PTGS1: variants seen among roughly 807,000 people sequenced by gnomAD.
PTGS1 encodes prostaglandin-endoperoxide synthase 1.
In PTGS1, 40 loss-of-function variants were observed where a neutral mutation model predicts 63.0. That is an observed-to-expected ratio of 0.63 (90% CI 0.49 to 0.83). The LOEUF is 0.83. PTGS1 is among the 40% of genes least tolerant of loss of function. The probability of loss-of-function intolerance (pLI) is 0.00; values close to 1 mark genes in which losing one functional copy is unlikely to be tolerated. For synonymous variants in PTGS1, 298 were observed against 301.9 expected (o/e 0.99, Z 0.13); for missense variants, 709 against 786.5 (o/e 0.90, Z 1.18).
At chr9:122,380,465 AAAAAT>A (rs1325172506) in intron 5 of PTGS1, among the ~76,000 whole-genome samples, 2 of 139,514 alleles carry the variant, frequency 1.4e-5, no homozygotes, top group African/African-American at 6.0e-5. Context: ...ACCCTGTCTC[AAAAAT>A]AAATAAATAA....
intron 2 of PTGS1, chr9:122,371,620 T>C (rs1406139562): frequency 2.8e-6 from 4 of 1,431,454 alleles, no homozygotes; most frequent in Non-Finnish European, 3.6e-6. Flanking sequence ...TAGGGGCCTC[T>C]TTGGGAGGAA....
Position 122,378,847 on chromosome 9 carries a change from C to T in PTGS1, c.425C>T (p.Ser142Phe), listed in dbSNP as rs542535309. ...AHDYISWESF[S>F]NVSYYTRILP... ...GACTACATCAGCTGGGAGTCTTTCT[C>T]CAACGTGAGCTATTACACTCGTATT... The change falls in exon 5 of 11, where the codon TCC becomes TTC. Residue 142 changes from serine (S) to phenylalanine (F), a missense_variant. Coordinates refer to ENST00000362012, the MANE Select transcript of PTGS1 (RefSeq NM_000962.4). 5 of 1,614,224 alleles carry T rather than the reference C, an allele frequency of 3.1e-6. No individual in the cohort carries two copies. Among genetic ancestry groups the T allele is most frequent in the South Asian group, 1.1e-5 (1 of 91,086 alleles).
intron 8 of PTGS1, among the ~76,000 whole-genome samples, chr9:122,385,018 C>T (rs546052188): frequency 9.2e-5 from 14 of 152,286 alleles, no homozygotes; most frequent in East Asian, 1.9e-4. Flanking sequence ...AGTGCAATGG[C>T]GTGATCTTGG....
At chr9:122,386,386 A>G in intron 8 of PTGS1, 60 bp from the exon 9 acceptor site, 1 of 1,571,848 alleles carries the variant, frequency 6.4e-7, no homozygotes, top group Non-Finnish European at 8.7e-7. Context: ...CCTGCTTTCC[A>G]AGCTGGGCAT....
rs201463029 is a variant in PTGS1 at position 122,378,835 on chromosome 9, G to T, written c.413G>T (p.Trp138Leu). ...TYNSAHDYISWESFSNVSYYT... is the reference protein window; with the variant it reads ...TYNSAHDYISLESFSNVSYYT... ...AACTCAGCACATGACTACATCAGCT[G>T]GGAGTCTTTCTCCAACGTGAGCTAT... The change falls in exon 5 of 11, where the codon TGG becomes TTG. Residue 138 changes from tryptophan to leucine, a missense_variant. Trp to Leu is a moderately conservative substitution (Grantham distance 61, BLOSUM62 -2). Transcript: ENST00000362012. 1.9e-6 allele frequency: 3 copies of T among 1,614,254 alleles called. No homozygotes were observed. The highest frequency in any genetic ancestry group is 1.7e-5 in the Admixed American group (1 of 60,028).
intron 7 of PTGS1, among the ~76,000 whole-genome samples, chr9:122,383,194 A>T (rs1241391611): frequency 1.6e-5 from 2 of 128,186 alleles, no homozygotes; most frequent in African/African-American, 3.6e-5. Context: ...TTTTTTTTTT[A>T]AGTTTTTTTT....
intron 10 of PTGS1, among the ~76,000 whole-genome samples, chr9:122,390,722 C>A (rs10306179): frequency 0.077 from 11,662 of 151,996 alleles, 1,375 homozygotes; most frequent in African/African-American, 0.26. Flanking sequence ...ACGATGAAAC[C>A]CCGTCTCTAC....
chr9:122,391,564 T>C (rs1838286780), intron 10 of PTGS1, among the ~76,000 whole-genome samples: 1 of 150,974 alleles, frequency 6.6e-6, no homozygotes, highest in South Asian at 2.1e-4. Context: ...AGGATGGATT[T>C]GAGGAACTGG....
chr9:122,390,396 A>C, intron 10 of PTGS1, 51 bp downstream of exon 10: 1 of 1,590,914 alleles, frequency 6.3e-7, no homozygotes, highest in South Asian at 1.1e-5. Flanking sequence ...GACTGGCAGC[A>C]AAGTCAGGGA....
In PTGS1 at chr9:122,383,854, T is replaced by C. The variant is rs1837699065; in HGVS notation, c.1009+99T>C. On this transcript the variant is annotated intron_variant, in intron 8 of 10. Coordinates refer to ENST00000362012, the MANE Select transcript of PTGS1 (RefSeq NM_000962.4). ...TTAGAGGTGGAGGCTGGGATTAGAA[T>C]CCTCACCCTTCTGCTTAGTGGCTAG... 5 of 1,490,870 alleles carry C rather than the reference T, an allele frequency of 3.4e-6. No homozygotes were observed. In the East Asian group the frequency reaches 1.2e-4, roughly 35 times the overall value. The allele number at this position is 1,490,870 out of a possible 1,614,324, so 92.4% of individuals were successfully genotyped here. A position where few individuals can be genotyped will look rare whatever the true frequency, so the allele number is the denominator to read the frequency against.
intron 9 of PTGS1, among the ~76,000 whole-genome samples, chr9:122,387,851 C>T (rs868183121): frequency 1.3e-5 from 2 of 152,266 alleles, no homozygotes; most frequent in African/African-American, 2.4e-5. Context: ...TCATCGCAGT[C>T]TCTGGCTCCC....
chr9:122,380,289 C>A (rs1351836842), intron 5 of PTGS1, among the ~76,000 whole-genome samples: 2 of 151,862 alleles, frequency 1.3e-5, no homozygotes. Flanking sequence ...CATGGTGAGA[C>A]ACCTTGTCTA....
At chr9:122,383,221 T>C (rs1236059506) in intron 7 of PTGS1, among the ~76,000 whole-genome samples, 2 of 145,018 alleles carry the variant, frequency 1.4e-5, no homozygotes, top group Non-Finnish European at 3.0e-5. Context: ...TTTTTTTTTT[T>C]CTTTTTTGCT....
At chr9:122,385,867 G>A (rs1405148735) in intron 8 of PTGS1, among the ~76,000 whole-genome samples, 1 of 152,126 alleles carries the variant, frequency 6.6e-6, no homozygotes, top group African/African-American at 2.4e-5. Flanking sequence ...GCTTAGCTGG[G>A]CCTAGAACCT....
intron 10 of PTGS1, among the ~76,000 whole-genome samples, chr9:122,391,611 T>C (rs1002392168): frequency 6.6e-6 from 1 of 151,284 alleles, no homozygotes; most frequent in African/African-American, 2.4e-5. Flanking sequence ...TGTCTCCCCT[T>C]GGCCACATGA....
chr9:122,383,509 G>T lies in PTGS1; in HGVS notation c.763G>T (p.Val255Leu). 1 of 1,603,918 alleles carries T rather than the reference G, an allele frequency of 6.2e-7. No homozygotes were observed. The highest frequency in any genetic ancestry group is 8.5e-7 in the Non-Finnish European group (1 of 1,172,092). The change falls in exon 8 of 11, where the codon GTG becomes TTG. Residue 255 changes from valine (V) to leucine (L), a missense_variant and splice_region_variant. By Grantham distance (32) the Val-to-Leu change is conservative (BLOSUM62 1). Coordinates refer to ENST00000362012, the MANE Select transcript of PTGS1 (RefSeq NM_000962.4). ...GTTGCCAGGTGGCCCCATCCCACAG[G>T]TGCTGGATGGAGAAATGTACCCGCC... ...LFKDGKLKYQ[V>L]LDGEMYPPSV...
chr9:122,384,153 C>T (rs1036716594), intron 8 of PTGS1, among the ~76,000 whole-genome samples: 1 of 152,124 alleles, frequency 6.6e-6, no homozygotes, highest in African/African-American at 2.4e-5. Flanking sequence ...CTGTAACTTG[C>T]CCGGCCTTCA....
intron 9 of PTGS1, among the ~76,000 whole-genome samples, chr9:122,388,652 C>G (rs1458000178): frequency 6.6e-6 from 1 of 152,180 alleles, no homozygotes; most frequent in African/African-American, 2.4e-5. Context: ...AAGGTGTCAG[C>G]AGTGCCATGT....
At chr9:122,376,249 C>A (rs989656406) in intron 2 of PTGS1, among the ~76,000 whole-genome samples, 1 of 152,114 alleles carries the variant, frequency 6.6e-6, no homozygotes, top group Non-Finnish European at 1.5e-5. Context: ...TTCCCCTGAC[C>A]CCTCCCTCCT....
Sources: gnomAD v4.1 joint callset for allele counts (sites outside exome capture counted in the v4.1 genomes callset) on GRCh38, gnomAD v4.1.1 for gene constraint, MANE v1.5 for transcripts, NCBI Gene and HGNC (gene_info 2026-07-23, HGNC 2026-07-21) for gene names.